The following PTPRD variants were observed in gnomAD, a reference collection of about 807,000 sequenced individuals.
PTPRD encodes the protein receptor-type tyrosine-protein phosphatase delta.
Under a neutral mutation model 214.5 loss-of-function variants are expected in PTPRD, and 34 were observed. The observed-to-expected ratio is 0.16, with a 90% CI of 0.12 to 0.21. The LOEUF (loss-of-function observed/expected upper bound fraction) is 0.21. PTPRD is among the 10% of genes least tolerant of loss of function. The pLI, the probability that PTPRD is intolerant of heterozygous loss-of-function variation, is 1.00. For missense variants in PTPRD, 2,545 were observed against 2,398.7 expected (o/e 1.06, Z -1.27); for synonymous variants, 1,128 against 845.7 (o/e 1.33, Z -5.79).
chr9:8,418,506 G>C (rs1314692358), intron 35 of PTPRD, among the ~76,000 whole-genome samples: 1 of 151,636 alleles, frequency 6.6e-6, no homozygotes, highest in African/African-American at 2.4e-5. Context: ...ATACTGTCTG[G>C]TATATATCTG....
At chr9:9,271,401 G>C (rs556212597) in intron 9 of PTPRD, among the ~76,000 whole-genome samples, 2 of 151,150 alleles carry the variant, frequency 1.3e-5, no homozygotes, top group African/African-American at 4.8e-5. Flanking sequence ...GATCAGACCA[G>C]TTATAACCAA....
intron 34 of PTPRD, among the ~76,000 whole-genome samples, chr9:8,440,808 A>T (rs2095523163): frequency 6.6e-6 from 1 of 152,186 alleles, no homozygotes. Flanking sequence ...TGACTTCCTT[A>T]TAAGAAGTAA....
intron 39 of PTPRD, among the ~76,000 whole-genome samples, chr9:8,370,948 G>A (rs893552069): frequency 6.6e-6 from 1 of 152,024 alleles, no homozygotes; most frequent in African/African-American, 2.4e-5. Context: ...AAATTACCAC[G>A]GGAAGCGAAA....
In PTPRD at chr9:9,917,302, G is replaced by GAAAAAA. The variant is rs140708788; in HGVS notation, c.-368+21199_-368+21204dup. ...AAATTGACAAGCCATTAGCTAGACT[G>GAAAAAA]AAAAAAAAAAAAAAAAAAAAAGAGA... On this transcript the variant is annotated intron_variant, in intron 5 of 45. Transcript: ENST00000381196. Among the ~76,000 whole-genome samples, 73 of 21,162 alleles carry GAAAAAA rather than the reference G, an allele frequency of 3.4e-3. 1 individual carries two copies. Among genetic ancestry groups the GAAAAAA allele is most frequent in the African/African-American group, 4.3e-3 (33 of 7,744 alleles). The allele number at this position is 21,162 out of a possible 152,430, so 13.9% of individuals were successfully genotyped here.
At chr9:10,031,625 C>CATATATATATATATAT (rs1171466919) in intron 4 of PTPRD, among the ~76,000 whole-genome samples, 57 of 87,276 alleles carry the variant, frequency 6.5e-4, no homozygotes, top group South Asian at 1.1e-3. Context: ...TAAAAAACTC[C>CATATATATATATATAT]ATATATATAT....
intron 4 of PTPRD, among the ~76,000 whole-genome samples, chr9:9,973,301 C>CCA (rs887807297): frequency 2.7e-5 from 2 of 74,200 alleles, no homozygotes; most frequent in African/African-American, 8.8e-5. Flanking sequence ...CCTTGTCTTT[C>CCA]AAAAAAAAAA....
chr9:9,560,991 T>C (rs1163044249), intron 8 of PTPRD, among the ~76,000 whole-genome samples: 1 of 152,068 alleles, frequency 6.6e-6, no homozygotes, highest in Non-Finnish European at 1.5e-5. Flanking sequence ...CTCTCTCTCT[T>C]TCTCTGGGTG....
At chr9:9,864,752 A>T (rs2063567216) in intron 5 of PTPRD, among the ~76,000 whole-genome samples, 1 of 152,054 alleles carries the variant, frequency 6.6e-6, no homozygotes, top group Non-Finnish European at 1.5e-5. Context: ...GGGCTCAAGC[A>T]ATTCTCCCAC....
intron 9 of PTPRD, among the ~76,000 whole-genome samples, chr9:9,313,135 T>C (rs1162021331): frequency 2.6e-5 from 4 of 152,206 alleles, no homozygotes; most frequent in Admixed American, 2.6e-4. Context: ...CGTAGGAACC[T>C]AACTCTATCT....
chr9:9,031,532 G>A (rs2099605432), intron 10 of PTPRD, among the ~76,000 whole-genome samples: 1 of 152,030 alleles, frequency 6.6e-6, no homozygotes, highest in South Asian at 2.1e-4. Flanking sequence ...AGAAGGGAAT[G>A]TGTTGCACTA....
chr9:8,556,549 G>C (rs1394820340), intron 14 of PTPRD, among the ~76,000 whole-genome samples: 1 of 141,816 alleles, frequency 7.1e-6, no homozygotes, highest in East Asian at 1.9e-4. Flanking sequence ...ACACATACTT[G>C]TGTATTTTAT....
chr9:9,220,873 G>A (rs1346671933), intron 9 of PTPRD, among the ~76,000 whole-genome samples: 1 of 152,070 alleles, frequency 6.6e-6, no homozygotes, highest in Non-Finnish European at 1.5e-5. Flanking sequence ...TTACTGAAGA[G>A]GTACTACAAT....
chr9:8,602,165 G>A (rs958139648), intron 14 of PTPRD, among the ~76,000 whole-genome samples: 1 of 152,186 alleles, frequency 6.6e-6, no homozygotes, highest in Non-Finnish European at 1.5e-5. Flanking sequence ...TGAAAGAAAA[G>A]TGTTTCTATA....
intron 8 of PTPRD, among the ~76,000 whole-genome samples, chr9:9,573,736 A>G (rs894609473): frequency 6.6e-6 from 1 of 151,826 alleles, no homozygotes; most frequent in African/African-American, 2.4e-5. Context: ...TCCTCCTGGT[A>G]GAGCAGAGGA....
At chr9:8,815,773 G>A (rs1173294956) in intron 11 of PTPRD, among the ~76,000 whole-genome samples, 2 of 151,966 alleles carry the variant, frequency 1.3e-5, no homozygotes, top group South Asian at 2.1e-4. Flanking sequence ...AGTCTGTTTT[G>A]GAATATCTGA....
chr9:9,334,441 T>C lies in PTPRD; in HGVS notation c.-203+63008A>G, dbSNP rs978669809. On this transcript the variant is annotated intron_variant, in intron 9 of 45. Transcript: ENST00000381196. Reference sequence around the variant, plus strand: ...CTGTTAATCACCTAGTTGATTTATCTAGTGGGGATTTCATAATAGTTTCCC... The same window carrying C: ...CTGTTAATCACCTAGTTGATTTATCCAGTGGGGATTTCATAATAGTTTCCC... Among the ~76,000 whole-genome samples the C allele has an allele frequency of 1.5e-4, 23 of 152,008 alleles. 1 individual carries two copies. Among genetic ancestry groups the C allele is most frequent in the South Asian group, 4.1e-4 (2 of 4,826 alleles).
chr9:9,845,927 A>C (rs1395658575), intron 5 of PTPRD, among the ~76,000 whole-genome samples: 1 of 152,236 alleles, frequency 6.6e-6, no homozygotes, highest in South Asian at 2.1e-4. Context: ...GCAGAGAAGG[A>C]GCAGAGTAAC....
chr9:9,215,757 A>T (rs1374661852), intron 9 of PTPRD, among the ~76,000 whole-genome samples: 2 of 152,214 alleles, frequency 1.3e-5, no homozygotes, highest in East Asian at 3.9e-4. Context: ...TCCATCGTAC[A>T]TTGATTCATT....
At chr9:10,342,986 T>G (rs2096972734) in intron 2 of PTPRD, among the ~76,000 whole-genome samples, 1 of 152,224 alleles carries the variant, frequency 6.6e-6, no homozygotes, top group Non-Finnish European at 1.5e-5. Flanking sequence ...ACACACTTTT[T>G]ATTTTTTATA....
Sources: allele counts gnomAD v4.1 joint callset (sites outside exome capture counted in the v4.1 genomes callset), GRCh38; gene constraint gnomAD v4.1.1; transcripts MANE v1.5; gene names NCBI Gene and HGNC (gene_info 2026-07-23, HGNC 2026-07-21).